The following CNTNAP3B variants were observed in gnomAD, a reference collection of about 807,000 sequenced individuals.
CNTNAP3B encodes the protein contactin-associated protein-like 3B.
Under a neutral mutation model 108.9 loss-of-function variants are expected in CNTNAP3B, and 25 were observed. The ratio of observed to expected loss-of-function variants is 0.23; its 90% confidence interval spans 0.17 to 0.32. The LOEUF (loss-of-function observed/expected upper bound fraction) is 0.32. Among genes scored for constraint, CNTNAP3B ranks in the 10% least tolerant of loss-of-function variants. CNTNAP3B has a pLI of 1.00. For missense variants in CNTNAP3B, 252 were observed against 1,210.4 expected (o/e 0.21, Z 11.75); for synonymous variants, 103 against 473.4 (o/e 0.22, Z 10.16).
rs1268860059 is a variant in CNTNAP3B, at chr9:42,053,367, C to T, written c.390+23502G>A. ...CAGTGGCATATAAAATTAGATTTGT[C>T]ATGAATTGATGTCATATGTATAATT... On this transcript the variant is annotated intron_variant, in intron 3 of 23. Transcript: ENST00000377561. Among the ~76,000 whole-genome samples the T allele has an allele frequency of 1.5e-5, 2 of 132,220 alleles. 1 individual carries two copies. The highest frequency in any genetic ancestry group is 4.8e-4 in the East Asian group (2 of 4,168). The allele number at this position is 132,220 out of a possible 152,430, so 86.7% of individuals were successfully genotyped here. A position where few individuals can be genotyped will look rare whatever the true frequency, so the allele number is the denominator to read the frequency against.
At chr9:41,977,738 G>A (rs1473767171) in intron 9 of CNTNAP3B, among the ~76,000 whole-genome samples, 4 of 127,414 alleles carry the variant, frequency 3.1e-5, no homozygotes, top group African/African-American at 3.2e-5. Context: ...TCCTGCCTCA[G>A]CCTCCTGGGA....
chr9:42,062,956 G>T lies in CNTNAP3B; in HGVS notation c.390+13913C>A, dbSNP rs867268953. Among the ~76,000 whole-genome samples the T allele has an allele frequency of 7.5e-4, 73 of 97,548 alleles. 9 individuals carry two copies. The highest frequency in any genetic ancestry group is 2.6e-3 in the African/African-American group (67 of 26,046). The allele number at this position is 97,548 out of a possible 152,430, so 64.0% of individuals were successfully genotyped here. A position where few individuals can be genotyped will look rare whatever the true frequency, so the allele number is the denominator to read the frequency against. On this transcript the variant is annotated intron_variant, in intron 3 of 23. Transcript: ENST00000377561. ...TTACCCACCCACACTTTATGTTTTT[G>T]ATGCTTTTTATATTGTGTAACCCTT...
At chr9:41,940,439 TA>T (rs1400993977) in intron 13 of CNTNAP3B, among the ~76,000 whole-genome samples, 1 of 152,304 alleles carries the variant, frequency 6.6e-6, no homozygotes, top group Non-Finnish European at 1.5e-5. Context: ...AGGAATGGCA[TA>T]TTTTTTTTCA....
intron 14 of CNTNAP3B, among the ~76,000 whole-genome samples, chr9:41,932,300 T>G (rs1382402738): frequency 1.3e-5 from 2 of 152,080 alleles, no homozygotes; most frequent in Non-Finnish European, 2.9e-5. Flanking sequence ...TTCAAAGACT[T>G]TTTGCTTTTA....
intron 4 of CNTNAP3B, among the ~76,000 whole-genome samples, chr9:42,012,108 G>T (rs1162030266): frequency 1.0e-5 from 1 of 99,856 alleles, no homozygotes; most frequent in Non-Finnish European, 2.1e-5. Flanking sequence ...CTTCATGAAG[G>T]AACATCAAGC....
chr9:41,935,328 C>T (rs1824123589), intron 14 of CNTNAP3B, among the ~76,000 whole-genome samples: 1 of 152,190 alleles, frequency 6.6e-6, no homozygotes, highest in African/African-American at 2.4e-5. Flanking sequence ...TACTGCCTGC[C>T]CCATTAACGG....
intron 13 of CNTNAP3B, among the ~76,000 whole-genome samples, chr9:41,942,789 G>A (rs1390889370): frequency 5.1e-4 from 78 of 152,048 alleles, no homozygotes; most frequent in African/African-American, 1.8e-3. Context: ...AACTCAAAAC[G>A]GAAGAAAGAA....
intron 10 of CNTNAP3B, among the ~76,000 whole-genome samples, chr9:41,967,159 A>G (rs1380291656): frequency 6.6e-6 from 1 of 150,790 alleles, no homozygotes; most frequent in African/African-American, 2.5e-5. Context: ...CTACTTTGTG[A>G]GTTAGTGATA....
chr9:41,919,506 T>C (rs1267521786), intron 18 of CNTNAP3B, among the ~76,000 whole-genome samples: 1 of 152,302 alleles, frequency 6.6e-6, no homozygotes, highest in East Asian at 1.9e-4. Flanking sequence ...TAGAGCAAAG[T>C]GTTTGAGTGA....
At chr9:41,986,125 A>G (rs1825698501) in intron 9 of CNTNAP3B, 43 bp downstream of exon 9, 1 of 1,109,818 alleles carries the variant, frequency 9.0e-7, no homozygotes, top group African/African-American at 2.1e-5. Flanking sequence ...ATAAAGATAA[A>G]AAGTGGTTCC....
chr9:42,053,924 T>G (rs539587186), intron 3 of CNTNAP3B, among the ~76,000 whole-genome samples: 1 of 150,734 alleles, frequency 6.6e-6, no homozygotes, highest in Non-Finnish European at 1.5e-5. Context: ...CATGGCAGAC[T>G]TGTATTGATG....
At chr9:41,958,688 G>A (rs1443358563) in intron 12 of CNTNAP3B, among the ~76,000 whole-genome samples, 1 of 150,136 alleles carries the variant, frequency 6.7e-6, no homozygotes, top group African/African-American at 2.5e-5. Context: ...CTCCAGGCAG[G>A]TTAGGCTCTG....
intron 3 of CNTNAP3B, among the ~76,000 whole-genome samples, chr9:42,064,925 G>T (rs1730077625): frequency 6.7e-6 from 1 of 150,202 alleles, no homozygotes; most frequent in Non-Finnish European, 1.5e-5. Context: ...ACACACAAGT[G>T]CATGTGTCTT....
chr9:42,110,053 G>C (rs1828162834), intron 1 of CNTNAP3B, among the ~76,000 whole-genome samples: 2 of 137,534 alleles, frequency 1.5e-5, no homozygotes, highest in Middle Eastern at 6.9e-3. Context: ...TAGGGATACT[G>C]ATGCGGAACT....
intron 1 of CNTNAP3B, among the ~76,000 whole-genome samples, chr9:42,111,522 A>T (rs1489114718): frequency 7.2e-6 from 1 of 138,480 alleles, no homozygotes; most frequent in South Asian, 2.3e-4. Flanking sequence ...CCCAAGAATG[A>T]GGCCAGTTGT....
chr9:41,958,245 C>A (rs1392884109), intron 12 of CNTNAP3B, among the ~76,000 whole-genome samples: 1 of 152,302 alleles, frequency 6.6e-6, no homozygotes, highest in Admixed American at 6.5e-5. Context: ...GTAGCTGGGA[C>A]TACAGATACA....
chr9:41,929,685 A>C (rs1408762423), intron 14 of CNTNAP3B, among the ~76,000 whole-genome samples: 1 of 137,490 alleles, frequency 7.3e-6, no homozygotes, highest in South Asian at 2.3e-4. Context: ...CAACTACTTA[A>C]CTCTGCCACC....
intron 3 of CNTNAP3B, among the ~76,000 whole-genome samples, chr9:42,026,758 CAT>C (rs2118465833): frequency 7.4e-6 from 1 of 134,826 alleles, no homozygotes; most frequent in Non-Finnish European, 1.6e-5. Context: ...TATCCTGAAT[CAT>C]ATAGGACCTG....
At chr9:41,917,988 C>A (rs1282432205) in intron 18 of CNTNAP3B, among the ~76,000 whole-genome samples, 1 of 152,308 alleles carries the variant, frequency 6.6e-6, no homozygotes, top group Non-Finnish European at 1.5e-5. Context: ...ATAAATGTTT[C>A]TTCATTTGAT....
Sources: allele counts gnomAD v4.1 joint callset (sites outside exome capture counted in the v4.1 genomes callset), GRCh38; gene constraint gnomAD v4.1.1; transcripts MANE v1.5; gene names NCBI Gene and HGNC (gene_info 2026-07-23, HGNC 2026-07-21).